MAGI1: variants seen among roughly 807,000 people sequenced by gnomAD.
The protein encoded by MAGI1 is membrane-associated guanylate kinase, WW and PDZ domain-containing protein 1.
A neutral mutation model predicts 139.9 loss-of-function variants in MAGI1; 58 were observed. That is an observed-to-expected ratio of 0.41 (90% confidence interval 0.34 to 0.52). The LOEUF (loss-of-function observed/expected upper bound fraction) is 0.52. MAGI1 is among the 20% of genes least tolerant of loss of function. The pLI is 0.12. For missense variants in MAGI1, 1,874 were observed against 1,901.6 expected, an observed-to-expected ratio of 0.99 and a Z score of 0.27; for synonymous variants, 812 against 737.9, an observed-to-expected ratio of 1.10 and a Z score of -1.63.
rs552248041 is a variant in MAGI1, at chr3:65,597,029, G to A, written c.430+24943C>T. Among the ~76,000 whole-genome samples, 15 of 152,128 alleles carry A rather than the reference G, an allele frequency of 9.9e-5. No homozygotes were observed. In the South Asian group the frequency reaches 2.9e-3, roughly 30 times the overall value. On this transcript the variant is annotated intron_variant, in intron 2 of 22. Coordinates refer to ENST00000402939, the MANE Select transcript of MAGI1 (RefSeq NM_001033057.2). Reference sequence around the variant, plus strand: ...CTTACAAAGCCCTCCAAAGTGCAAAGGCATTTGCCCACCGCGCTGCCCGGG... The same window carrying A: ...CTTACAAAGCCCTCCAAAGTGCAAAAGCATTTGCCCACCGCGCTGCCCGGG...
chr3:65,502,709 C>A (rs1018905734), intron 2 of MAGI1, among the ~76,000 whole-genome samples: 4 of 152,168 alleles, frequency 2.6e-5, no homozygotes, highest in Non-Finnish European at 5.9e-5. Flanking sequence ...GAGAATCTGA[C>A]CTTTGGTTAA....
chr3:65,997,480 C>A (rs567558694), intron 1 of MAGI1, among the ~76,000 whole-genome samples: 432 of 152,128 alleles, frequency 2.8e-3, no homozygotes, highest in Non-Finnish European at 4.9e-3. Flanking sequence ...CATGGTGAAA[C>A]CCCATCTCTA....
At chr3:65,573,683 G>A (rs1034416629) in intron 2 of MAGI1, among the ~76,000 whole-genome samples, 4 of 152,052 alleles carry the variant, frequency 2.6e-5, no homozygotes, top group Non-Finnish European at 4.4e-5. Context: ...TTGAGAACAA[G>A]AATATCTTCA....
intron 2 of MAGI1, among the ~76,000 whole-genome samples, chr3:65,516,222 C>T (rs1349927779): frequency 6.6e-6 from 1 of 152,028 alleles, no homozygotes; most frequent in Non-Finnish European, 1.5e-5. Context: ...GCTCTGTTGG[C>T]AGGCTGGAGT....
At chr3:65,608,760 G>A (rs1188938323) in intron 2 of MAGI1, among the ~76,000 whole-genome samples, 1 of 152,148 alleles carries the variant, frequency 6.6e-6, no homozygotes, top group African/African-American at 2.4e-5. Context: ...TGACGACACT[G>A]TAATCCAGCA....
intron 1 of MAGI1, among the ~76,000 whole-genome samples, chr3:65,699,718 G>A (rs2089463991): frequency 7.8e-6 from 1 of 128,362 alleles, no homozygotes; most frequent in Admixed American, 8.6e-5. Flanking sequence ...CACACTCTGG[G>A]GACTGTGGTG....
chr3:65,571,929 T>C (rs1358295562), intron 2 of MAGI1, among the ~76,000 whole-genome samples: 2 of 152,114 alleles, frequency 1.3e-5, no homozygotes, highest in Non-Finnish European at 2.9e-5. Flanking sequence ...TTTTGGCAAA[T>C]ATACCCAACC....
At chr3:65,629,133 G>C (rs2084144296) in intron 1 of MAGI1, among the ~76,000 whole-genome samples, 1 of 152,056 alleles carries the variant, frequency 6.6e-6, no homozygotes. Flanking sequence ...TGGATGATGA[G>C]GGGACCCTGC....
chr3:65,890,257 C>A (rs1460178453), intron 1 of MAGI1, among the ~76,000 whole-genome samples: 2 of 152,044 alleles, frequency 1.3e-5, no homozygotes, highest in African/African-American at 2.4e-5. Flanking sequence ...CCCAGCTACT[C>A]GGGAGGCTGA....
chr3:65,717,642 G>A (rs985323468), intron 1 of MAGI1: 2 of 152,126 alleles, frequency 1.3e-5, no homozygotes, highest in African/African-American at 2.4e-5. Flanking sequence ...ACATAAAAAC[G>A]GAGATGAAAA....
intron 1 of MAGI1, among the ~76,000 whole-genome samples, chr3:65,625,465 A>C (rs1204048337): frequency 6.6e-6 from 1 of 152,148 alleles, no homozygotes; most frequent in Non-Finnish European, 1.5e-5. Flanking sequence ...TCAACTGTTT[A>C]TTAGCTGGTG....
intron 2 of MAGI1, among the ~76,000 whole-genome samples, chr3:65,591,566 T>C (rs563863521): frequency 6.6e-6 from 1 of 152,292 alleles, no homozygotes; most frequent in African/African-American, 2.4e-5. Flanking sequence ...GCTTTGTGAA[T>C]GTTCATTGGG....
rs1022595983 is a variant in MAGI1 at position 65,870,444 on chromosome 3, A to G, written c.313+167552T>C. On this transcript the variant is annotated intron_variant, in intron 1 of 22. Coordinates refer to ENST00000402939, the MANE Select transcript of MAGI1 (RefSeq NM_001033057.2). The stretch of plus-strand genomic sequence containing the variant: ...AGAGGGCAAGGGTGTGTCTTAATGC[A>G]TCTTTCTATCTATCCCCTGGCCCCG... Among the ~76,000 whole-genome samples, 6 of 152,120 alleles carry G rather than the reference A, an allele frequency of 3.9e-5. No individual in the cohort carries two copies. The South Asian group carries it at 1.2e-3, about 32-fold the overall frequency.
intron 1 of MAGI1, among the ~76,000 whole-genome samples, chr3:65,839,278 G>A (rs890261761): frequency 7.9e-5 from 12 of 152,106 alleles, no homozygotes; most frequent in Admixed American, 3.9e-4. Flanking sequence ...CTACTGTGCT[G>A]CCAGACATAG....
intron 1 of MAGI1, among the ~76,000 whole-genome samples, chr3:65,729,144 T>C (rs550934733): frequency 1.1e-3 from 143 of 128,556 alleles, no homozygotes; most frequent in African/African-American, 3.6e-3. Context: ...GGGATGATAT[T>C]CACTCTGAAG....
chr3:65,792,326 G>C (rs971586830), intron 1 of MAGI1, among the ~76,000 whole-genome samples: 1 of 152,006 alleles, frequency 6.6e-6, no homozygotes, highest in African/African-American at 2.4e-5. Context: ...TTAGCCGGGT[G>C]TGGTGGTACA....
chr3:65,583,791 A>G (rs2081547374), intron 2 of MAGI1, among the ~76,000 whole-genome samples: 1 of 152,190 alleles, frequency 6.6e-6, no homozygotes, highest in African/African-American at 2.4e-5. Flanking sequence ...AAGAAGAACT[A>G]AAGAACACAT....
At chr3:65,967,234 C>T (rs1011837908) in intron 1 of MAGI1, among the ~76,000 whole-genome samples, 12 of 152,124 alleles carry the variant, frequency 7.9e-5, no homozygotes, top group Non-Finnish European at 7.3e-5. Context: ...GATAAAACAG[C>T]ATGGTAAAAT....
chr3:65,979,090 C>CCG (rs1553742252), intron 1 of MAGI1, among the ~76,000 whole-genome samples: 1 of 48,136 alleles, frequency 2.1e-5, no homozygotes, highest in Non-Finnish European at 4.5e-5. Context: ...TCTTTTCTTC[C>CCG]CCCCCCCCGC....
Sources: allele counts gnomAD v4.1 joint callset (sites outside exome capture counted in the v4.1 genomes callset), GRCh38; gene constraint gnomAD v4.1.1; transcripts MANE v1.5; gene names NCBI Gene and HGNC (gene_info 2026-07-23, HGNC 2026-07-21).